Variants in COL5A2 observed in about 807,000 individuals in gnomAD.
The protein encoded by COL5A2 is collagen alpha-2(V) chain.
Under a neutral mutation model 208.2 loss-of-function variants are expected in COL5A2, and 23 were observed. The observed-to-expected ratio is 0.11, with a 90% CI of 0.08 to 0.16. The LOEUF (loss-of-function observed/expected upper bound fraction) is 0.16. COL5A2 is among the 10% of genes least tolerant of loss of function. The pLI is 1.00. For missense variants in COL5A2, 1,590 were observed against 1,956.4 expected, an observed-to-expected ratio of 0.81 and a Z score of 3.53; for synonymous variants, 625 against 628.5, an observed-to-expected ratio of 0.99 and a Z score of 0.08.
the COL5A2 span, among the ~76,000 whole-genome samples, chr2:189,261,088 C>T: frequency 1.3e-5 from 2 of 151,520 alleles, no homozygotes. Flanking sequence ...GACACTTCAC[C>T]CAAACTTTTC....
At chr2:189,205,990 T>C (rs185450703) in intron 1 of COL5A2, among the ~76,000 whole-genome samples, 33 of 152,340 alleles carry the variant, frequency 2.2e-4, no homozygotes, top group African/African-American at 7.7e-4. Flanking sequence ...AACAAACTGC[T>C]GTTACCATTT....
chr2:189,171,223 G>C (rs1312185938), intron 1 of COL5A2, among the ~76,000 whole-genome samples: 1 of 152,194 alleles, frequency 6.6e-6, no homozygotes, highest in African/African-American at 2.4e-5. Flanking sequence ...AAATGGGCTA[G>C]ATCAGCAGGA....
chr2:189,041,500 C>G (rs1203707857), intron 50 of COL5A2, 86 bp downstream of exon 50: 3 of 1,072,568 alleles, frequency 2.8e-6, no homozygotes, highest in Non-Finnish European at 4.4e-6. Flanking sequence ...AGTCTCTTGT[C>G]AATCGGGCTG....
At chr2:189,065,691 C>T (rs1017542266) in intron 23 of COL5A2, among the ~76,000 whole-genome samples, 6 of 152,146 alleles carry the variant, frequency 3.9e-5, no homozygotes, top group Non-Finnish European at 7.4e-5. Context: ...TTTTGTGAAA[C>T]GCTTTGCATT....
the COL5A2 span, among the ~76,000 whole-genome samples, chr2:189,392,406 C>G: frequency 6.6e-6 from 1 of 152,172 alleles, no homozygotes; most frequent in Admixed American, 6.6e-5. Context: ...TTATCCTAGT[C>G]TTTCACAATC....
At chr2:189,359,556 T>G in the COL5A2 span, among the ~76,000 whole-genome samples, 3 of 152,212 alleles carry the variant, frequency 2.0e-5, no homozygotes, top group Non-Finnish European at 4.4e-5. Flanking sequence ...TGTCTGGTTT[T>G]GATATCAGGG....
chr2:189,324,330 T>G, the COL5A2 span, among the ~76,000 whole-genome samples: 3 of 152,134 alleles, frequency 2.0e-5, no homozygotes, highest in African/African-American at 7.2e-5. Flanking sequence ...CTAATTAAAC[T>G]AAATAGCTTC....
At chr2:189,046,162 T>C (rs1044437608) in intron 45 of COL5A2, among the ~76,000 whole-genome samples, 5 of 152,150 alleles carry the variant, frequency 3.3e-5, no homozygotes, top group Non-Finnish European at 7.3e-5. Context: ...GTCAAGATCA[T>C]TGGAGTATAG....
At chr2:189,171,907 A>G (rs956529160) in intron 1 of COL5A2, among the ~76,000 whole-genome samples, 1 of 152,226 alleles carries the variant, frequency 6.6e-6, no homozygotes, top group Non-Finnish European at 1.5e-5. Flanking sequence ...CCATGGATGA[A>G]GCTGAGAGGG....
At chr2:189,329,713 G>A in the COL5A2 span, among the ~76,000 whole-genome samples, 3 of 152,072 alleles carry the variant, frequency 2.0e-5, no homozygotes, top group African/African-American at 4.8e-5. Flanking sequence ...CCTCAATTCA[G>A]TTTAAAGTGT....
At chr2:189,037,940 A>G (rs965419591) in intron 51 of COL5A2, among the ~76,000 whole-genome samples, 4 of 152,216 alleles carry the variant, frequency 2.6e-5, no homozygotes, top group African/African-American at 9.6e-5. Context: ...CCACAAAAAT[A>G]TCAATATTTT....
the COL5A2 span, among the ~76,000 whole-genome samples, chr2:189,400,455 T>C: frequency 6.6e-6 from 1 of 152,210 alleles, no homozygotes; most frequent in Non-Finnish European, 1.5e-5. Context: ...ACCCATTAAC[T>C]TTTTTCAGTT....
chr2:189,346,984 A>G, the COL5A2 span, among the ~76,000 whole-genome samples: 1 of 152,320 alleles, frequency 6.6e-6, no homozygotes, highest in South Asian at 2.1e-4. Context: ...TGAAGCCAGC[A>G]AGAATAAAAC....
At chr2:189,389,409 T>C in the COL5A2 span, among the ~76,000 whole-genome samples, 1 of 152,198 alleles carries the variant, frequency 6.6e-6, no homozygotes, top group Non-Finnish European at 1.5e-5. Flanking sequence ...ATTTGATTCA[T>C]CCTACCAAAA....
At chr2:189,042,554 C>T (rs1422853339) in intron 49 of COL5A2, among the ~76,000 whole-genome samples, 166 bp downstream of exon 49, 1 of 152,134 alleles carries the variant, frequency 6.6e-6, no homozygotes, top group African/African-American at 2.4e-5. Context: ...GATATTTCTA[C>T]TTAAAATTAA....
At chr2:189,419,782 C>G in the COL5A2 span, among the ~76,000 whole-genome samples, 1 of 148,436 alleles carries the variant, frequency 6.7e-6, no homozygotes, top group Admixed American at 6.8e-5. Context: ...GGCAACAGAG[C>G]AAGACCAAGA....
At chr2:189,324,149 T>C in the COL5A2 span, among the ~76,000 whole-genome samples, 1 of 152,204 alleles carries the variant, frequency 6.6e-6, no homozygotes, top group Non-Finnish European at 1.5e-5. Context: ...ATCCCTTCCT[T>C]ACACCTTATA....
intron 4 of COL5A2, among the ~76,000 whole-genome samples, chr2:189,099,405 A>G (rs1279956109): frequency 6.6e-6 from 1 of 152,134 alleles, no homozygotes. Context: ...TGGGTGGATC[A>G]CTTGAGGTCA....
In COL5A2 at chr2:189,062,529, T is replaced by C. The variant is rs13411571; in HGVS notation, c.1977+336A>G. Among the ~76,000 whole-genome samples the C allele has an allele frequency of 4.6e-3, 696 of 152,214 alleles. 5 individuals carry two copies. The highest frequency in any genetic ancestry group is 0.015 in the African/African-American group (641 of 41,546). The stretch of plus-strand genomic sequence containing the variant: ...TGCATTATTGAGAGAAGGTAAATAA[T>C]TGAGTATCTAAATATTTTAAATAAA... On this transcript the variant is annotated intron_variant, in intron 29 of 53. Coordinates refer to ENST00000374866, the MANE Select transcript of COL5A2 (RefSeq NM_000393.5).
Sources: gnomAD v4.1 joint callset for allele counts (sites outside exome capture counted in the v4.1 genomes callset) on GRCh38, gnomAD v4.1.1 for gene constraint, MANE v1.5 for transcripts, NCBI Gene and HGNC (gene_info 2026-07-23, HGNC 2026-07-21) for gene names.